TMTC3: variants seen among roughly 807,000 people sequenced by gnomAD.
The protein encoded by TMTC3 is protein O-mannosyl-transferase TMTC3.
Under a neutral mutation model 92.2 loss-of-function variants are expected in TMTC3, and 52 were observed. That is an observed-to-expected ratio of 0.56 (90% CI 0.45 to 0.71). The LOEUF (loss-of-function observed/expected upper bound fraction) is 0.71. Ranked by LOEUF, TMTC3 falls within the 30% of genes least tolerant of loss-of-function variation. The pLI is 0.00. For missense variants in TMTC3, 896 were observed against 1,057.1 expected, an observed-to-expected ratio of 0.85 and a Z score of 2.11; for synonymous variants, 339 against 363.3, an observed-to-expected ratio of 0.93 and a Z score of 0.76.
chr12:88,195,438 G>C lies in TMTC3; in HGVS notation c.2534G>C (p.Ser845Thr), dbSNP rs780715766. The C allele has an allele frequency of 2.5e-6, 4 of 1,613,400 alleles. No individual in the cohort carries two copies. In the South Asian group the frequency reaches 3.3e-5, roughly 13 times the overall value. ...GAAGGAAAGAAAATTCCAACTGAAAGTGTAAAAGAAATTAGAGGTGAATCC... is the reference window on the plus strand; with the variant it reads ...GAAGGAAAGAAAATTCCAACTGAAACTGTAAAAGAAATTAGAGGTGAATCC... The part of the protein sequence containing the change: ...SVEGKKIPTE[S>T]VKEIRGESRQ... Residue 845 changes from serine (S) to threonine (T), a missense_variant, in exon 14 of 14, where the codon AGT (serine) becomes ACT (threonine). Ser to Thr is a moderately conservative substitution (Grantham distance 58, BLOSUM62 1). Coordinates refer to ENST00000266712, the MANE Select transcript of TMTC3 (RefSeq NM_181783.4).
intron 2 of TMTC3, among the ~76,000 whole-genome samples, chr12:88,152,480 A>G (rs2040955199): frequency 6.6e-6 from 1 of 152,204 alleles, no homozygotes; most frequent in African/African-American, 2.4e-5. Context: ...GGAGGGGACA[A>G]ACATCCAAAC....
At chr12:88,156,635 C>T (rs932358462) in intron 4 of TMTC3, among the ~76,000 whole-genome samples, 3 of 151,910 alleles carry the variant, frequency 2.0e-5, no homozygotes. Flanking sequence ...CTGTGGATTT[C>T]TGCAGTAACA....
chr12:88,153,625 A>T, intron 3 of TMTC3, 116 bp downstream of exon 3: 1 of 560,594 alleles, frequency 1.8e-6, no homozygotes, highest in Non-Finnish European at 3.0e-6. Flanking sequence ...CTTTAATCCA[A>T]ATATTTGAAG....
chr12:88,176,983 G>C (rs1037741844), intron 10 of TMTC3, among the ~76,000 whole-genome samples: 6 of 152,046 alleles, frequency 3.9e-5, no homozygotes, highest in Non-Finnish European at 8.8e-5. Flanking sequence ...TGGCAGTGCT[G>C]GGTATGTGGT....
At chr12:88,149,470 A>T (rs894030431) in intron 2 of TMTC3, among the ~76,000 whole-genome samples, 14 of 152,166 alleles carry the variant, frequency 9.2e-5, no homozygotes, top group Non-Finnish European at 1.5e-4. Context: ...TCTGGGGGAT[A>T]TTGATTTCTA....
intron 7 of TMTC3, among the ~76,000 whole-genome samples, chr12:88,170,002 G>T (rs2468238): frequency 0.88 from 133,652 of 151,664 alleles, 59,783 homozygotes; most frequent in East Asian, 0.99. Context: ...GTGGTTTGCC[G>T]TATGTAGGAA....
At position 88,160,208 on chromosome 12, in the gene TMTC3, TG is replaced by T; in HGVS notation, c.604del (p.Glu202LysfsTer35). 1 of 1,568,822 alleles carries T rather than the reference TG, an allele frequency of 6.4e-7. No homozygotes were observed. The highest frequency in any genetic ancestry group is 8.6e-7 in the Non-Finnish European group (1 of 1,161,562). On this transcript the variant is annotated frameshift_variant, in exon 5 of 14. Transcript: ENST00000266712. LOFTEE classifies it high-confidence loss of function. ...ITVVGICCVY[E>X]VFIAQGYTLP... ...CAGTTGTAGGAATTTGCTGTGTGTATGAAGTGTTTATTGCCCAGGGGGTAAG... is the reference window on the plus strand; with the variant it reads ...CAGTTGTAGGAATTTGCTGTGTGTATAAGTGTTTATTGCCCAGGGGGTAAG...
rs572044557 is a variant in TMTC3 at position 88,167,122 on chromosome 12, C to T, written c.1050+540C>T. On this transcript the variant is annotated intron_variant, in intron 7 of 13. Transcript: ENST00000266712. ...TTAATTATTGAAGACAGGCTGGGTG[C>T]GTTGGTTCTTGCCTGTAATCCCAGC... 4.6e-5 allele frequency among the ~76,000 whole-genome samples: 7 copies of T among 151,508 alleles called. No individual in the cohort carries two copies. The East Asian group carries it at 5.9e-4, about 13-fold the overall frequency.
intron 10 of TMTC3, among the ~76,000 whole-genome samples, chr12:88,182,604 G>A (rs1016317762): frequency 6.6e-6 from 1 of 152,152 alleles, no homozygotes; most frequent in Non-Finnish European, 1.5e-5. Flanking sequence ...CAGGTGCTAT[G>A]ACTAAACCTC....
chr12:88,163,886 A>G (rs767293817), intron 6 of TMTC3, among the ~76,000 whole-genome samples: 2 of 152,010 alleles, frequency 1.3e-5, no homozygotes, highest in Non-Finnish European at 2.9e-5. Flanking sequence ...TTCCTCACAT[A>G]TATGTGCTGA....
Position 88,169,929 on chromosome 12 carries a change from C to T in TMTC3, c.1051-2668C>T, listed in dbSNP as rs544288508. On this transcript the variant is annotated intron_variant, in intron 7 of 13. Coordinates refer to ENST00000266712, the MANE Select transcript of TMTC3 (RefSeq NM_181783.4). ...ACTCTATCCTGGATGACAGACAAGACCCTGTCAGAAAAAAAAAAAAAGGAA... is the reference window on the plus strand; with the variant it reads ...ACTCTATCCTGGATGACAGACAAGATCCTGTCAGAAAAAAAAAAAAAGGAA... Among the ~76,000 whole-genome samples, 6 of 81,634 alleles carry T rather than the reference C, an allele frequency of 7.3e-5. No homozygotes were observed. The East Asian group carries it at 2.2e-3, about 30-fold the overall frequency. The allele number at this position is 81,634 out of a possible 152,430, so 53.6% of individuals were successfully genotyped here.
chr12:88,188,030 A>G (rs2041398752), intron 10 of TMTC3, among the ~76,000 whole-genome samples: 1 of 152,078 alleles, frequency 6.6e-6, no homozygotes, highest in Non-Finnish European at 1.5e-5. Flanking sequence ...TACTTTCCAC[A>G]TCAGAAAATG....
intron 10 of TMTC3, among the ~76,000 whole-genome samples, chr12:88,177,442 C>G (rs1166312332): frequency 6.6e-6 from 1 of 151,970 alleles, no homozygotes; most frequent in East Asian, 1.9e-4. Context: ...TTGTGTATTA[C>G]TCATCAAGAA....
rs559163068 is a variant in TMTC3, at chr12:88,155,417, C to T, written c.508+1030C>T. Among the ~76,000 whole-genome samples, 15 of 152,268 alleles carry T rather than the reference C, an allele frequency of 9.9e-5. 1 individual carries two copies. Among genetic ancestry groups the T allele is most frequent in the African/African-American group, 1.7e-4 (7 of 41,550 alleles). ...CTTTAAGTACCATCCTCACCAAAGCCTGAATGGTAAAGTTAGAAAATACTG... is the reference window on the plus strand; with the variant it reads ...CTTTAAGTACCATCCTCACCAAAGCTTGAATGGTAAAGTTAGAAAATACTG... On this transcript the variant is annotated intron_variant, in intron 4 of 13. Coordinates refer to ENST00000266712, the MANE Select transcript of TMTC3 (RefSeq NM_181783.4).
At chr12:88,184,231 A>C (rs1410275000) in intron 10 of TMTC3, among the ~76,000 whole-genome samples, 1 of 152,156 alleles carries the variant, frequency 6.6e-6, no homozygotes, top group Non-Finnish European at 1.5e-5. Context: ...TTAATGATAA[A>C]GGCTTGGAGC....
intron 4 of TMTC3, among the ~76,000 whole-genome samples, chr12:88,158,881 G>A (rs1296867509): frequency 1.3e-5 from 2 of 151,560 alleles, no homozygotes; most frequent in Admixed American, 1.3e-4. Flanking sequence ...GAGAAATCCC[G>A]TCTCTACTAA....
At chr12:88,171,187 G>C (rs2041200942) in intron 7 of TMTC3, among the ~76,000 whole-genome samples, 1 of 151,998 alleles carries the variant, frequency 6.6e-6, no homozygotes, top group African/African-American at 2.4e-5. Flanking sequence ...AAACTGACAT[G>C]TTTAGCTTTT....
chr12:88,159,155 T>C (rs567931204), intron 4 of TMTC3, among the ~76,000 whole-genome samples: 140 of 151,762 alleles, frequency 9.2e-4, no homozygotes, highest in African/African-American at 3.3e-3. Flanking sequence ...GAGATTATAG[T>C]TTTTCATAAG....
intron 2 of TMTC3, among the ~76,000 whole-genome samples, chr12:88,150,288 C>G (rs536697933): frequency 6.6e-6 from 1 of 152,120 alleles, no homozygotes; most frequent in Non-Finnish European, 1.5e-5. Flanking sequence ...CCAGCTCTCT[C>G]AAGAACTCAT....
Sources: allele counts gnomAD v4.1 joint callset (sites outside exome capture counted in the v4.1 genomes callset), GRCh38; gene constraint gnomAD v4.1.1; transcripts MANE v1.5; gene names NCBI Gene and HGNC (gene_info 2026-07-23, HGNC 2026-07-21).